RANBP2: variants seen among roughly 807,000 people sequenced by gnomAD.
The protein encoded by RANBP2 is E3 SUMO-protein ligase RanBP2.
A neutral mutation model predicts 303.6 loss-of-function variants in RANBP2; 57 were observed. The observed-to-expected ratio is 0.19, with a 90% CI of 0.15 to 0.23. The LOEUF is 0.23. Among genes scored for constraint, RANBP2 ranks in the 10% least tolerant of loss-of-function variants. The probability of loss-of-function intolerance (pLI) is 1.00; values close to 1 mark genes in which losing one functional copy is unlikely to be tolerated. For missense variants in RANBP2, 3,138 were observed against 3,780.8 expected, an observed-to-expected ratio of 0.83 and a Z score of 4.46; for synonymous variants, 1,167 against 1,301.5, an observed-to-expected ratio of 0.90 and a Z score of 2.23.
At chr2:109,484,523 T>G in the RANBP2 span, among the ~76,000 whole-genome samples, 1 of 152,124 alleles carries the variant, frequency 6.6e-6, no homozygotes, top group Non-Finnish European at 1.5e-5. Context: ...TATCCCTATA[T>G]CAGCCCAGCT....
chr2:108,740,521 T>C lies in RANBP2; in HGVS notation c.815T>C (p.Leu272Ser). ...AGTGCTCTTCAGTCTGTGAAATCTT[T>C]GGGTGGAAATGATGAACTGTCAGCT... is the stretch of plus-strand genomic sequence containing the variant. ...FDSALQSVKS[L>S]GGNDELSATF... Residue 272 changes from leucine to serine, a missense_variant, in exon 7 of 29, where the codon TTG becomes TCG. Leu to Ser is a moderately radical substitution (Grantham distance 145, BLOSUM62 -2). Around this residue, in one of 20 missense-constraint regions of RANBP2, gnomAD observed 306 missense variants for 381.9 expected, o/e 0.80. Transcript: ENST00000283195. 6.3e-7 allele frequency: 1 copy of C among 1,597,576 alleles called. No homozygotes were observed. Among genetic ancestry groups the C allele is most frequent in the South Asian group, 1.1e-5 (1 of 90,992 alleles).
chr2:109,025,691 G>C, the RANBP2 span, among the ~76,000 whole-genome samples: 1 of 151,824 alleles, frequency 6.6e-6, no homozygotes, highest in Non-Finnish European at 1.5e-5. Flanking sequence ...CCAGCTACTC[G>C]GGAGGCTGAG....
At chr2:109,357,681 A>G in the RANBP2 span, among the ~76,000 whole-genome samples, 2 of 152,206 alleles carry the variant, frequency 1.3e-5, no homozygotes, top group Admixed American at 6.5e-5. Context: ...TTTGTGAGCT[A>G]TACCCATGTT....
chr2:109,665,296 G>T, the RANBP2 span: 1 of 152,142 alleles, frequency 6.6e-6, no homozygotes, highest in South Asian at 2.0e-4. Context: ...CAAGGACCAC[G>T]AATCCATCCA....
At chr2:109,546,608 G>C in the RANBP2 span, among the ~76,000 whole-genome samples, 1 of 150,540 alleles carries the variant, frequency 6.6e-6, no homozygotes, top group South Asian at 2.1e-4. Flanking sequence ...GAAATTACCA[G>C]AAAGGAAAAA....
At chr2:109,077,357 T>G in the RANBP2 span, among the ~76,000 whole-genome samples, 1 of 150,636 alleles carries the variant, frequency 6.6e-6, no homozygotes, top group Non-Finnish European at 1.5e-5. Context: ...ATTTTTATGA[T>G]GATCTGCTTC....
the RANBP2 span, among the ~76,000 whole-genome samples, chr2:109,604,161 CAAA>C: frequency 5.1e-5 from 3 of 58,664 alleles, no homozygotes; most frequent in Non-Finnish European, 9.7e-5. Flanking sequence ...GACTCTGCCT[CAAA>C]AAAAAAAAAA....
chr2:109,190,611 C>G, the RANBP2 span, among the ~76,000 whole-genome samples: 1 of 152,174 alleles, frequency 6.6e-6, no homozygotes, highest in African/African-American at 2.4e-5. Flanking sequence ...CCCATTGCAA[C>G]TAATTATATT....
At chr2:109,732,030 T>A in the RANBP2 span, among the ~76,000 whole-genome samples, 269 of 151,798 alleles carry the variant, frequency 1.8e-3, 2 homozygotes, top group African/African-American at 6.3e-3. Context: ...ATTTATGTAT[T>A]TATTTTTTGT....
the RANBP2 span, among the ~76,000 whole-genome samples, chr2:108,933,652 G>A: frequency 3.3e-5 from 5 of 152,288 alleles, no homozygotes; most frequent in South Asian, 2.1e-4. Context: ...TGCATTTACC[G>A]TTTGGAAAAC....
the RANBP2 span, among the ~76,000 whole-genome samples, chr2:109,225,244 GATA>G: frequency 6.6e-6 from 1 of 152,138 alleles, no homozygotes; most frequent in Non-Finnish European, 1.5e-5. Context: ...TTTTAATAAC[GATA>G]ATAATAAAGA....
At chr2:109,222,230 T>C in the RANBP2 span, among the ~76,000 whole-genome samples, 1 of 152,144 alleles carries the variant, frequency 6.6e-6, no homozygotes, top group South Asian at 2.1e-4. Flanking sequence ...GAAAGGTTGG[T>C]TAAGGGTATA....
chr2:109,515,587 C>T, the RANBP2 span, among the ~76,000 whole-genome samples: 1 of 152,144 alleles, frequency 6.6e-6, no homozygotes, highest in African/African-American at 2.4e-5. Context: ...ATCTCCAGCA[C>T]CCCAAACTCG....
the RANBP2 span, among the ~76,000 whole-genome samples, chr2:109,162,808 A>G: frequency 6.6e-6 from 1 of 152,246 alleles, no homozygotes; most frequent in South Asian, 2.1e-4. Flanking sequence ...CCTTTTAACA[A>G]TGAGAATAAT....
the RANBP2 span, among the ~76,000 whole-genome samples, chr2:109,426,174 G>T: frequency 6.6e-6 from 1 of 152,194 alleles, no homozygotes; most frequent in African/African-American, 2.4e-5. Flanking sequence ...CTCCCAAAGC[G>T]CTGGGATTAC....
At chr2:109,318,820 T>C in the RANBP2 span, among the ~76,000 whole-genome samples, 1 of 152,312 alleles carries the variant, frequency 6.6e-6, no homozygotes, top group South Asian at 2.1e-4. Context: ...ACCCATCCAC[T>C]CAGAGGCAGA....
chr2:109,688,312 C>T, the RANBP2 span, among the ~76,000 whole-genome samples: 5 of 152,234 alleles, frequency 3.3e-5, no homozygotes, highest in African/African-American at 9.6e-5. Context: ...GACTGGGCCT[C>T]GTTCCTCAGA....
the RANBP2 span, among the ~76,000 whole-genome samples, chr2:109,257,720 C>T: frequency 6.6e-6 from 1 of 152,136 alleles, no homozygotes; most frequent in Non-Finnish European, 1.5e-5. Context: ...ACAGTTAGAG[C>T]TCCCTGTCTC....
the RANBP2 span, among the ~76,000 whole-genome samples, chr2:109,460,604 G>A: frequency 6.6e-6 from 1 of 152,212 alleles, no homozygotes; most frequent in African/African-American, 2.4e-5. Flanking sequence ...AATTACTAAA[G>A]TCCTCCTCTG....
Sources: allele counts gnomAD v4.1 joint callset (sites outside exome capture counted in the v4.1 genomes callset), GRCh38; gene constraint gnomAD v4.1.1; regional missense constraint gnomAD v4.1.1; transcripts MANE v1.5; gene names NCBI Gene and HGNC (gene_info 2026-07-23, HGNC 2026-07-21).